Variants in FAF1 observed in about 807,000 individuals in gnomAD.
The protein encoded by FAF1 is FAS-associated factor 1.
In FAF1, 25 loss-of-function variants were observed where a neutral mutation model predicts 92.5. That is an observed-to-expected ratio of 0.27 (90% confidence interval 0.20 to 0.38). The LOEUF is 0.38. FAF1 is among the 10% of genes least tolerant of loss of function. The pLI, the probability that FAF1 is intolerant of heterozygous loss-of-function variation, is 1.00. For synonymous variants in FAF1, 234 were observed against 273.2 expected, an observed-to-expected ratio of 0.86 and a Z score of 1.42; for missense variants, 636 against 793.3, an observed-to-expected ratio of 0.80 and a Z score of 2.38.
intron 4 of FAF1, among the ~76,000 whole-genome samples, chr1:50,768,229 A>G (rs1660649743): frequency 6.6e-6 from 1 of 152,228 alleles, no homozygotes; most frequent in Non-Finnish European, 1.5e-5. Context: ...AAAGGGTTCA[A>G]TTCAACAAGA....
intron 1 of FAF1, among the ~76,000 whole-genome samples, chr1:50,890,428 C>T (rs952610616): frequency 3.3e-5 from 5 of 152,122 alleles, no homozygotes; most frequent in Admixed American, 6.6e-5. Context: ...TGATTTTGCT[C>T]GTTAGTTGAT....
At chr1:50,632,884 T>C (rs974136430) in intron 8 of FAF1, among the ~76,000 whole-genome samples, 5 of 152,188 alleles carry the variant, frequency 3.3e-5, no homozygotes, top group African/African-American at 1.2e-4. Flanking sequence ...CAGGTAAAAT[T>C]CTATTTTCTC....
intron 1 of FAF1, among the ~76,000 whole-genome samples, chr1:50,956,511 T>C (rs548292848): frequency 6.6e-6 from 1 of 152,352 alleles, no homozygotes; most frequent in African/African-American, 2.4e-5. Flanking sequence ...GCTCTCAAAC[T>C]ATTATTGAGT....
rs114422091 is a variant in FAF1 at position 50,877,949 on chromosome 1, C to T, written c.46-19952G>A. On this transcript the variant is annotated intron_variant, in intron 1 of 18. Transcript: ENST00000396153. ...TAACCCTAAGAACATTTTCACCTAG[C>T]AGCTGCTGAAACAACCTGTTGTTGC... Among the ~76,000 whole-genome samples, 295 of 152,340 alleles carry T rather than the reference C, an allele frequency of 1.9e-3. 1 individual carries two copies. Among genetic ancestry groups the T allele is most frequent in the African/African-American group, 6.9e-3 (288 of 41,578 alleles).
At chr1:50,490,464 A>T (rs576240829) in intron 17 of FAF1, 124 bp downstream of exon 17, 1 of 574,810 alleles carries the variant, frequency 1.7e-6, no homozygotes, top group Non-Finnish European at 3.1e-6. Context: ...AGGAAGGAAA[A>T]AGAAAGAAGG....
intron 8 of FAF1, among the ~76,000 whole-genome samples, chr1:50,648,674 C>T (rs1345627728): frequency 2.6e-5 from 4 of 152,062 alleles, no homozygotes; most frequent in African/African-American, 9.7e-5. Context: ...TGCCTGCAAT[C>T]CCAGCACTTT....
At chr1:50,917,843 G>T (rs117929904) in intron 1 of FAF1, among the ~76,000 whole-genome samples, 11 of 152,102 alleles carry the variant, frequency 7.2e-5, no homozygotes, top group Admixed American at 6.6e-4. Context: ...GAAAATGTTC[G>T]CAATACATTT....
At chr1:50,878,309 A>G (rs1016382648) in intron 1 of FAF1, among the ~76,000 whole-genome samples, 2 of 152,232 alleles carry the variant, frequency 1.3e-5, no homozygotes, top group Non-Finnish European at 2.9e-5. Flanking sequence ...CTGGTAGTCA[A>G]AGCTATCTAT....
At chr1:50,517,150 A>T (rs923316013) in intron 15 of FAF1, among the ~76,000 whole-genome samples, 7 of 152,234 alleles carry the variant, frequency 4.6e-5, no homozygotes, top group Non-Finnish European at 7.3e-5. Flanking sequence ...AAATTTTTTA[A>T]AAGAAAAATG....
chr1:50,947,509 C>CTTAA (rs1346605046), intron 1 of FAF1, among the ~76,000 whole-genome samples: 1 of 152,208 alleles, frequency 6.6e-6, no homozygotes, highest in Non-Finnish European at 1.5e-5. Flanking sequence ...TCAAACTCAC[C>CTTAA]TTAAAGTCAA....
intron 3 of FAF1, among the ~76,000 whole-genome samples, chr1:50,794,958 G>A (rs1661692848): frequency 6.6e-6 from 1 of 152,124 alleles, no homozygotes; most frequent in Non-Finnish European, 1.5e-5. Flanking sequence ...TTTCTTAAGT[G>A]AATATTCTCT....
rs372274705 is a variant in FAF1, at chr1:50,494,872, A to G, written c.1495-3071T>C. Among the ~76,000 whole-genome samples the G allele has an allele frequency of 4.6e-5, 7 of 152,344 alleles. No individual in the cohort carries two copies. In the East Asian group the frequency reaches 9.6e-4, roughly 21 times the overall value. On this transcript the variant is annotated intron_variant, in intron 15 of 18. Transcript: ENST00000396153. ...ACTAGAAATTCAGAAGCCTCTAAGTATTCTTCAGTCTAGTAACTTTTATTT... is the reference window on the plus strand; with the variant it reads ...ACTAGAAATTCAGAAGCCTCTAAGTGTTCTTCAGTCTAGTAACTTTTATTT...
chr1:50,873,201 G>A (rs1355440404), intron 1 of FAF1, among the ~76,000 whole-genome samples: 1 of 152,118 alleles, frequency 6.6e-6, no homozygotes, highest in Non-Finnish European at 1.5e-5. Context: ...TAATGCTACT[G>A]CACACTTAAT....
At chr1:50,675,433 G>A (rs1431674514) in intron 7 of FAF1, among the ~76,000 whole-genome samples, 1 of 152,212 alleles carries the variant, frequency 6.6e-6, no homozygotes, top group Non-Finnish European at 1.5e-5. Context: ...ATATTGGAAT[G>A]TTAGGGACGA....
chr1:50,619,637 G>A (rs756441886), intron 8 of FAF1, among the ~76,000 whole-genome samples: 1 of 152,090 alleles, frequency 6.6e-6, no homozygotes, highest in Non-Finnish European at 1.5e-5. Context: ...GGTTCTCTCT[G>A]TATATGACTT....
intron 6 of FAF1, among the ~76,000 whole-genome samples, chr1:50,734,577 A>G (rs1659061692): frequency 6.6e-6 from 1 of 151,974 alleles, no homozygotes; most frequent in Non-Finnish European, 1.5e-5. Context: ...TACTAAATAT[A>G]CAAAAAATTA....
At chr1:50,473,708 G>A (rs1237553124) in intron 18 of FAF1, among the ~76,000 whole-genome samples, 1 of 152,140 alleles carries the variant, frequency 6.6e-6, no homozygotes, top group African/African-American at 2.4e-5. Flanking sequence ...GGAGCAGTAG[G>A]CAGGGCCAGT....
At chr1:50,928,592 G>T (rs180821719) in intron 1 of FAF1, among the ~76,000 whole-genome samples, 2 of 151,494 alleles carry the variant, frequency 1.3e-5, no homozygotes, top group Admixed American at 6.6e-5. Flanking sequence ...GACCAGCCTG[G>T]CCAACATAGT....
Position 50,676,288 on chromosome 1 carries a change from TC to T in FAF1, c.658-20761del, listed in dbSNP as rs566826564. On this transcript the variant is annotated intron_variant, in intron 7 of 18. Transcript: ENST00000396153. ...CAGGTGTGGTGGCAGGCAGCTGTAA[TC>T]CCAGCTACTCAGGAGGCTGAGGCAG... Among the ~76,000 whole-genome samples, 91 of 151,792 alleles carry T rather than the reference TC, an allele frequency of 6.0e-4. No individual in the cohort carries two copies. In the Middle Eastern group the frequency reaches 0.017, roughly 28 times the overall value.
Sources: allele counts gnomAD v4.1 joint callset (sites outside exome capture counted in the v4.1 genomes callset), GRCh38; gene constraint gnomAD v4.1.1; transcripts MANE v1.5; gene names NCBI Gene and HGNC (gene_info 2026-07-23, HGNC 2026-07-21).